ARHGAP44: variants seen among roughly 807,000 people sequenced by gnomAD.
ARHGAP44 encodes rho GTPase-activating protein 44.
In ARHGAP44, 43 loss-of-function variants were observed where a neutral mutation model predicts 106.8. The ratio of observed to expected loss-of-function variants is 0.40; its 90% CI spans 0.32 to 0.52. The LOEUF is 0.52. Ranked by LOEUF, ARHGAP44 falls within the 20% of genes least tolerant of loss-of-function variation. The pLI is 0.48. For missense variants in ARHGAP44, 866 were observed against 1,050.5 expected (o/e 0.82, Z 2.43); for synonymous variants, 439 against 410.3 (o/e 1.07, Z -0.85).
intron 6 of ARHGAP44, among the ~76,000 whole-genome samples, chr17:12,921,360 T>A (rs953571305): frequency 2.0e-5 from 3 of 152,146 alleles, no homozygotes; most frequent in East Asian, 1.9e-4. Flanking sequence ...TTTTTAAAAA[T>A]TTTGAGACAG....
At chr17:12,789,974 G>A (rs943771824) in intron 1 of ARHGAP44, 83 bp downstream of exon 1, 6 of 1,312,324 alleles carry the variant, frequency 4.6e-6, no homozygotes, top group Non-Finnish European at 5.1e-6. Flanking sequence ...AGCCCGCCCA[G>A]CCTCCAGTCC....
At chr17:12,814,487 C>A (rs565501505) in intron 1 of ARHGAP44, among the ~76,000 whole-genome samples, 1 of 151,112 alleles carries the variant, frequency 6.6e-6, no homozygotes, top group Non-Finnish European at 1.5e-5. Context: ...GTGATCTGCC[C>A]GCCTCGGCCT....
chr17:12,808,858 T>C (rs530193405), intron 1 of ARHGAP44, among the ~76,000 whole-genome samples: 1 of 152,352 alleles, frequency 6.6e-6, no homozygotes, highest in East Asian at 1.9e-4. Context: ...GCAAATTTTC[T>C]GAACTTTTAT....
At chr17:12,896,027 C>T (rs554016985) in intron 2 of ARHGAP44, among the ~76,000 whole-genome samples, 2 of 148,796 alleles carry the variant, frequency 1.3e-5, no homozygotes, top group East Asian at 4.0e-4. Flanking sequence ...ACCACATGTT[C>T]TCACTCATAG....
chr17:12,965,153 A>C (rs1337076168), intron 16 of ARHGAP44, among the ~76,000 whole-genome samples: 2 of 152,160 alleles, frequency 1.3e-5, no homozygotes, highest in Admixed American at 6.5e-5. Flanking sequence ...GACCCCATCA[A>C]AACGTCCTTG....
At chr17:12,936,794 T>G (rs1281614208) in intron 7 of ARHGAP44, among the ~76,000 whole-genome samples, 1 of 152,220 alleles carries the variant, frequency 6.6e-6, no homozygotes, top group East Asian at 1.9e-4. Flanking sequence ...GACTATACTC[T>G]GTATTCCCAC....
At chr17:12,870,831 A>G (rs748457427) in intron 1 of ARHGAP44, among the ~76,000 whole-genome samples, 1 of 152,056 alleles carries the variant, frequency 6.6e-6, no homozygotes, top group Non-Finnish European at 1.5e-5. Context: ...CTTTTTACTT[A>G]TATTTAAAAC....
At chr17:12,961,725 C>G (rs770535201) in intron 16 of ARHGAP44, among the ~76,000 whole-genome samples, 14 of 151,986 alleles carry the variant, frequency 9.2e-5, no homozygotes, top group Non-Finnish European at 1.5e-4. Flanking sequence ...AAGAGCAAAA[C>G]TCTGTCTCCA....
At chr17:12,820,967 TTA>T (rs1427763756) in intron 1 of ARHGAP44, among the ~76,000 whole-genome samples, 2 of 152,172 alleles carry the variant, frequency 1.3e-5, no homozygotes, top group Admixed American at 6.6e-5. Flanking sequence ...GAGAAAGAAG[TTA>T]TAAAGGTTTT....
Position 12,952,549 on chromosome 17 carries a change from A to T in ARHGAP44, c.1104A>T (p.Glu368Asp), listed in dbSNP as rs1471213129. 1 of 1,578,658 alleles carries T rather than the reference A, an allele frequency of 6.3e-7. No individual in the cohort carries two copies. The highest frequency in any genetic ancestry group is 1.2e-5 in the South Asian group (1 of 85,666). ...KKLQALWNAC[E>D]KLPKANHNNI... is the part of the protein sequence containing the mutation. The stretch of plus-strand genomic sequence containing the variant: ...TTCAGGCTCTATGGAATGCTTGTGA[A>T]AAGTTGCCCAAGGCCAATCACAACA... The change falls in exon 13 of 21, where the codon GAA becomes GAT. Residue 368 changes from glutamate to aspartate, a missense_variant. Glu to Asp is a conservative substitution (Grantham distance 45). Transcript: ENST00000379672.
chr17:12,830,351 G>A (rs1031727320), intron 1 of ARHGAP44, among the ~76,000 whole-genome samples: 6 of 151,700 alleles, frequency 4.0e-5, no homozygotes, highest in Non-Finnish European at 8.8e-5. Context: ...TTTCTTCCTG[G>A]TTCTTTGACT....
rs145587103 is a variant in ARHGAP44 at position 12,975,231 on chromosome 17, C to T, written c.1763+921C>T. Among the ~76,000 whole-genome samples, 38 of 152,244 alleles carry T rather than the reference C, an allele frequency of 2.5e-4. No homozygotes were observed. In the East Asian group the frequency reaches 5.4e-3, roughly 22 times the overall value. The stretch of plus-strand genomic sequence containing the variant: ...ACTGAAACTACAGAAAGTAAAACCA[C>T]GGATAAGGGGGACTACTGTATCCTA... On this transcript the variant is annotated intron_variant, in intron 18 of 20. Coordinates refer to ENST00000379672, the MANE Select transcript of ARHGAP44 (RefSeq NM_014859.6).
chr17:12,971,544 C>T (rs1299074929), intron 16 of ARHGAP44, among the ~76,000 whole-genome samples: 1 of 152,160 alleles, frequency 6.6e-6, no homozygotes, highest in African/African-American at 2.4e-5. Context: ...TTGTTCTTTT[C>T]ATCCTGATAC....
At chr17:12,818,063 C>T (rs762423990) in intron 1 of ARHGAP44, among the ~76,000 whole-genome samples, 20 of 151,782 alleles carry the variant, frequency 1.3e-4, no homozygotes, top group Admixed American at 3.3e-4. Flanking sequence ...GAATTATAGA[C>T]GAACAGTCCT....
chr17:12,897,429 C>A (rs1357639536), intron 3 of ARHGAP44, among the ~76,000 whole-genome samples: 1 of 142,874 alleles, frequency 7.0e-6, no homozygotes, highest in Non-Finnish European at 1.6e-5. Context: ...TCCTACGAGT[C>A]ATTTCTTTTT....
rs1299649334 is a variant in ARHGAP44, at chr17:12,841,630, AC to A, written c.53+51740del. Among the ~76,000 whole-genome samples, 527 of 138,968 alleles carry A rather than the reference AC, an allele frequency of 3.8e-3. 6 individuals carry two copies. Among genetic ancestry groups the A allele is most frequent in the South Asian group, 3.6e-3 (16 of 4,402 alleles). 91.2% of individuals were successfully genotyped at this position (138,968 alleles called of 152,430 possible). A position where few individuals can be genotyped will look rare whatever the true frequency, so the allele number is the denominator to read the frequency against. Reference sequence around the variant, plus strand: ...CACACACACACACACACACACACACACACACACACAAACAAACAAACAAAAA... The same window carrying A: ...CACACACACACACACACACACACACAACACACACAAACAAACAAACAAAAA... On this transcript the variant is annotated intron_variant, in intron 1 of 20. Coordinates refer to ENST00000379672, the MANE Select transcript of ARHGAP44 (RefSeq NM_014859.6).
intron 1 of ARHGAP44, among the ~76,000 whole-genome samples, chr17:12,829,649 A>G (rs1339009750): frequency 1.3e-5 from 2 of 152,150 alleles, no homozygotes; most frequent in Admixed American, 1.3e-4. Context: ...TATTGACATA[A>G]TCACACCAAC....
Position 12,980,124 on chromosome 17 carries a change from C to A in ARHGAP44, c.1830C>A (p.Gly610=). The A allele has an allele frequency of 6.2e-7, 1 of 1,613,990 alleles. No individual in the cohort carries two copies. Among genetic ancestry groups the A allele is most frequent in the Non-Finnish European group, 8.5e-7 (1 of 1,179,876 alleles). Residue 610 remains glycine (G), a synonymous_variant, in exon 19 of 21, where the codon GGC becomes GGA. Coordinates refer to ENST00000379672, the MANE Select transcript of ARHGAP44 (RefSeq NM_014859.6). ...AQKGSPGSSQ[G]TACAGTQPGA... ...AAGGAAGTCCAGGCTCCAGCCAGGG[C>A]ACAGCCTGTGCAGGGACTCAACCAG...
At chr17:12,909,072 C>T (rs2037645608) in intron 4 of ARHGAP44, 99 bp downstream of exon 4, 8 of 1,047,708 alleles carry the variant, frequency 7.6e-6, no homozygotes, top group Admixed American at 5.7e-5. Flanking sequence ...TGAATTCTCA[C>T]TGGGGACTTT....
Sources: allele counts gnomAD v4.1 joint callset (sites outside exome capture counted in the v4.1 genomes callset), GRCh38; gene constraint gnomAD v4.1.1; transcripts MANE v1.5; gene names NCBI Gene and HGNC (gene_info 2026-07-23, HGNC 2026-07-21).